Variants in SEC16B observed in about 807,000 individuals in gnomAD.
SEC16B encodes protein transport protein Sec16B.
SEC16B carries 115 observed loss-of-function variants against 141.8 expected under a neutral mutation model. That is an observed-to-expected ratio of 0.81 (90% CI 0.70 to 0.95). The LOEUF (loss-of-function observed/expected upper bound fraction) is 0.95, where lower values mean the gene tolerates loss of function less well. Among genes scored for constraint, SEC16B ranks in the 40% least tolerant of loss-of-function variants. The pLI is 0.00. For synonymous variants in SEC16B, 493 were observed against 492.5 expected (o/e 1.00, Z -0.01); for missense variants, 1,291 against 1,312.3 (o/e 0.98, Z 0.25).
chr1:177,969,997 C>T lies in SEC16B; in HGVS notation c.-172G>A, dbSNP rs1266527966. On this transcript the variant is annotated 5_prime_UTR_variant, in exon 1 of 26. Transcript: ENST00000308284. ...CCAGGTGCCACATCTACCAAGACTC[C>T]CCAGGCCCTCAGATCTACATCATGT... 6.6e-6 allele frequency: 1 copy of T among 152,216 alleles called. No individual in the cohort carries two copies. The highest frequency in any genetic ancestry group is 1.5e-5 in the Non-Finnish European group (1 of 68,142). 9.4% of individuals were successfully genotyped at this position (152,216 alleles called of 1,614,324 possible). A position where few individuals can be genotyped will look rare whatever the true frequency, so the allele number is the denominator to read the frequency against.
Position 177,967,953 on chromosome 1 carries a change from G to A in SEC16B, c.29C>T (p.Pro10Leu), listed in dbSNP as rs1158555941. The A allele has an allele frequency of 1.2e-6, 2 of 1,611,808 alleles. No individual in the cohort carries two copies. The highest frequency in any genetic ancestry group is 1.7e-6 in the Non-Finnish European group (2 of 1,178,148). The change falls in exon 2 of 26, where the codon CCC (proline) becomes CTC (leucine). Residue 10 changes from proline (P) to leucine (L), a missense_variant. Pro to Leu is a moderately conservative substitution (Grantham distance 98, BLOSUM62 -3). This residue lies in a region of SEC16B where 681 missense variants were observed against 675.5 expected (regional missense o/e 1.01). Coordinates refer to ENST00000308284, the MANE Select transcript of SEC16B (RefSeq NM_033127.4). MELWAPQRL[P>L]QTRGKATAPS... is the part of the protein sequence containing the mutation. ...TGCTGTGGCCTTCCCTCGTGTCTGG[G>A]GCAGCCTCTGGGGAGCCCAAAGTTC...
chr1:177,956,393 G>A (rs1571335525), intron 10 of SEC16B, among the ~76,000 whole-genome samples: 1 of 151,944 alleles, frequency 6.6e-6, no homozygotes. Flanking sequence ...GAGGTATTTT[G>A]TAAAATCAAA....
At chr1:177,939,650 A>G in intron 18 of SEC16B, 52 bp downstream of exon 18, 1 of 1,389,536 alleles carries the variant, frequency 7.2e-7, no homozygotes, top group Admixed American at 2.0e-5. Context: ...GTCTCGTAGA[A>G]TCAGATCCTG....
chr1:177,956,199 T>C (rs1228953184), intron 10 of SEC16B, among the ~76,000 whole-genome samples: 5 of 152,224 alleles, frequency 3.3e-5, no homozygotes, highest in African/African-American at 1.2e-4. Context: ...TGAAGTTTAC[T>C]GAAACACGGC....
chr1:177,947,754 A>AG lies in SEC16B; in HGVS notation c.1663+70_1663+71insC, dbSNP rs1651829620. On this transcript the variant is annotated intron_variant, in intron 13 of 25. Transcript: ENST00000308284. Reference sequence around the variant, plus strand: ...AGAGGGACGGGGAGGGGAGGTGAGGAAAGGGACAGGGAGGGGAGGGGAGGG... The same window carrying AG: ...AGAGGGACGGGGAGGGGAGGTGAGGAGAAGGGACAGGGAGGGGAGGGGAGGG... 14 of 394,196 alleles carry AG rather than the reference A, an allele frequency of 3.6e-5. 1 individual carries two copies. Among genetic ancestry groups the AG allele is most frequent in the African/African-American group, 1.5e-4 (2 of 13,330 alleles). 24.4% of individuals were successfully genotyped at this position (394,196 alleles called of 1,614,324 possible). A position where few individuals can be genotyped will look rare whatever the true frequency, so the allele number is the denominator to read the frequency against.
At chr1:177,950,227 C>G (rs973417262) in intron 12 of SEC16B, among the ~76,000 whole-genome samples, 1 of 152,084 alleles carries the variant, frequency 6.6e-6, no homozygotes, top group Non-Finnish European at 1.5e-5. Context: ...CCTCAAGATA[C>G]GAGAAAAGGC....
At position 177,942,029 on chromosome 1, in the gene SEC16B, G is replaced by C; in HGVS notation, c.1893C>G (p.Leu631=). 1 of 1,613,722 alleles carries C rather than the reference G, an allele frequency of 6.2e-7. No homozygotes were observed. Among genetic ancestry groups the C allele is most frequent in the Non-Finnish European group, 8.5e-7 (1 of 1,179,750 alleles). ...SFIPSFQVYK[L]LYASRLADYG... ...AATCTGCCAGACGGGAAGCATAAAG[G>C]AGCTTATACACCTGTGAAGAGAAAA... Residue 631 remains leucine (L), a synonymous_variant, in exon 16 of 26, where the codon CTC becomes CTG. Transcript: ENST00000308284.
intron 2 of SEC16B, among the ~76,000 whole-genome samples, chr1:177,966,924 T>A (rs939411712): frequency 1.3e-5 from 2 of 152,144 alleles, no homozygotes; most frequent in African/African-American, 4.8e-5. Context: ...TTATAATAAT[T>A]GTCATAATTT....
intron 1 of SEC16B, among the ~76,000 whole-genome samples, chr1:177,980,342 AT>A (rs1355805461): frequency 6.6e-6 from 1 of 152,186 alleles, no homozygotes. Flanking sequence ...ATATTAATTC[AT>A]TTATTTATGA....
chr1:177,947,773 G>GTGAGGGGAGGGACAGGGAGGGGAGA, intron 13 of SEC16B, 52 bp downstream of exon 13: 1 of 1,104,958 alleles, frequency 9.1e-7, no homozygotes, highest in Admixed American at 2.1e-5. Context: ...GGGAGGGGAG[G>GTGAGGGGAGGGACAGGGAGGGGAGA]GGAGGGAAGG....
chr1:177,976,947 A>G (rs1654190202), intron 1 of SEC16B, among the ~76,000 whole-genome samples: 1 of 152,212 alleles, frequency 6.6e-6, no homozygotes, highest in Non-Finnish European at 1.5e-5. Flanking sequence ...AAACTTTAAG[A>G]AAATGCAGCC....
At chr1:177,968,866 G>T (rs554855749) in intron 1 of SEC16B, among the ~76,000 whole-genome samples, 9 of 152,112 alleles carry the variant, frequency 5.9e-5, no homozygotes, top group Non-Finnish European at 8.8e-5. Flanking sequence ...GATTCTTCCC[G>T]GTTGGAGATT....
At chr1:177,939,617 C>A in intron 18 of SEC16B, 85 bp downstream of exon 18, 1 of 1,179,142 alleles carries the variant, frequency 8.5e-7, no homozygotes, top group Non-Finnish European at 1.2e-6. Flanking sequence ...AAGCAAAGGG[C>A]GAGTGCTTTC....
Position 177,944,614 on chromosome 1 carries a change from A to C in SEC16B, c.1828T>G (p.Phe610Val). Residue 610 changes from phenylalanine to valine, a missense_variant, in exon 15 of 26, where the codon TTC (phenylalanine) becomes GTC (valine). By Grantham distance (50) the Phe-to-Val change is conservative. Around this residue, in one of 3 missense-constraint regions of SEC16B, gnomAD observed 605 missense variants for 614.1 expected, o/e 0.99. Transcript: ENST00000308284. ...CGGCCCAGCATCTGACAGTACTCGA[A>C]GATTTCCGTCCTCTGGATTGCCTCA... Reference protein sequence around the residue: ...TTEAIQRTEIFEYCQMLGRPK... With the variant: ...TTEAIQRTEIVEYCQMLGRPK... The C allele has an allele frequency of 6.2e-7, 1 of 1,613,934 alleles. No individual in the cohort carries two copies. The highest frequency in any genetic ancestry group is 8.5e-7 in the Non-Finnish European group (1 of 1,179,852).
At chr1:177,935,455 A>G (rs187563729) in intron 20 of SEC16B, among the ~76,000 whole-genome samples, 231 of 152,340 alleles carry the variant, frequency 1.5e-3, no homozygotes, top group African/African-American at 5.2e-3. Flanking sequence ...AAAGCTTTGC[A>G]TACATATGTT....
At position 177,969,878 on chromosome 1, in the gene SEC16B, A is replaced by T. The variant is rs923419873; in HGVS notation, c.-59+6T>A. 19 of 152,126 alleles carry T rather than the reference A, an allele frequency of 1.2e-4. No homozygotes were observed. The highest frequency in any genetic ancestry group is 4.6e-4 in the African/African-American group (19 of 41,412). The allele number at this position is 152,126 out of a possible 1,614,324, so 9.4% of individuals were successfully genotyped here. ...GGGAAAGAAGGGAGCGAGTGTTCCC[A>T]CACACCTGCTCTGATGGCTTCCCAC... On this transcript the variant is annotated splice_donor_region_variant and intron_variant, in intron 1 of 25. Coordinates refer to ENST00000308284, the MANE Select transcript of SEC16B (RefSeq NM_033127.4).
chr1:177,967,255 A>G (rs978036945), intron 2 of SEC16B, among the ~76,000 whole-genome samples: 5 of 152,184 alleles, frequency 3.3e-5, no homozygotes, highest in Non-Finnish European at 5.9e-5. Flanking sequence ...TGGTAGTGTC[A>G]TGCTAATCCC....
chr1:177,960,170 A>G lies in SEC16B; in HGVS notation c.998+172T>C, dbSNP rs1209010439. On this transcript the variant is annotated intron_variant, in intron 8 of 25. Coordinates refer to ENST00000308284, the MANE Select transcript of SEC16B (RefSeq NM_033127.4). ...CCTTCAACTATTGAATGGCTTGTCA[A>G]AATGACTCAGGCCACATCTGGTTCT... 5.1e-6 allele frequency: 3 copies of G among 592,230 alleles called. No homozygotes were observed. The African/African-American group carries it at 5.6e-5, about 11-fold the overall frequency. 36.7% of individuals were successfully genotyped at this position (592,230 alleles called of 1,614,324 possible).
intron 10 of SEC16B, among the ~76,000 whole-genome samples, chr1:177,956,465 T>C (rs1023445811): frequency 6.6e-6 from 1 of 152,140 alleles, no homozygotes; most frequent in Non-Finnish European, 1.5e-5. Flanking sequence ...AATAACAATA[T>C]ATGCATAAAA....
Sources: allele counts gnomAD v4.1 joint callset (sites outside exome capture counted in the v4.1 genomes callset), GRCh38; gene constraint gnomAD v4.1.1; regional missense constraint gnomAD v4.1.1; transcripts MANE v1.5; gene names NCBI Gene and HGNC (gene_info 2026-07-23, HGNC 2026-07-21).